PECR: variants seen among roughly 807,000 people sequenced by gnomAD.
The protein encoded by PECR is peroxisomal trans-2-enoyl-CoA reductase, also known as 2,4-dienoyl-CoA reductase-related protein.
PECR carries 30 observed loss-of-function variants against 35.3 expected under a neutral mutation model. The observed-to-expected ratio is 0.85, with a 90% CI of 0.64 to 1.15. The LOEUF is 1.15. PECR is among the 50% of genes most tolerant of loss of function. The pLI, the probability that PECR is intolerant of heterozygous loss-of-function variation, is 0.00. For synonymous variants in PECR, 148 were observed against 138.9 expected (o/e 1.07, Z -0.46); for missense variants, 392 against 370.8 (o/e 1.06, Z -0.47).
At chr2:216,067,584 G>A (rs1213168212) in intron 1 of PECR, among the ~76,000 whole-genome samples, 1 of 150,666 alleles carries the variant, frequency 6.6e-6, no homozygotes, top group Non-Finnish European at 1.5e-5. Context: ...TTGAGACGGA[G>A]TCTCACTCTG....
chr2:216,058,888 C>T lies in PECR; in HGVS notation c.506+7G>A, dbSNP rs200329052. 10 of 1,524,440 alleles carry T rather than the reference C, an allele frequency of 6.6e-6. No individual in the cohort carries two copies. In the South Asian group the frequency reaches 7.9e-5, roughly 12 times the overall value. The allele number at this position is 1,524,440 out of a possible 1,614,324, so 94.4% of individuals were successfully genotyped here. A position where few individuals can be genotyped will look rare whatever the true frequency, so the allele number is the denominator to read the frequency against. On this transcript the variant is annotated splice_region_variant and intron_variant, in intron 4 of 7. Transcript: ENST00000265322. Reference sequence around the variant, plus strand: ...ACTTAGAAAGAAAACTATATAAAAACGCTTACACAGCTAATGGAAATCCAG... The same window carrying T: ...ACTTAGAAAGAAAACTATATAAAAATGCTTACACAGCTAATGGAAATCCAG...
At chr2:216,049,517 T>C (rs1327939392) in intron 5 of PECR, 144 bp from the exon 6 acceptor site, 1 of 566,710 alleles carries the variant, frequency 1.8e-6, no homozygotes, top group African/African-American at 1.9e-5. Flanking sequence ...TTAAATTTCC[T>C]CCATGTTGTC....
chr2:216,046,276 GTA>G (rs35571817), intron 6 of PECR, among the ~76,000 whole-genome samples: 46,093 of 103,496 alleles, frequency 0.45, 11,072 homozygotes, highest in Non-Finnish European at 0.52. Flanking sequence ...ACCACATAAA[GTA>G]TATATATATA....
chr2:216,050,619 T>A (rs188531754), intron 5 of PECR, among the ~76,000 whole-genome samples: 2 of 152,018 alleles, frequency 1.3e-5, no homozygotes, highest in African/African-American at 4.8e-5. Context: ...GATCTATAGA[T>A]AGGCTGGGCG....
chr2:216,051,635 A>G (rs1478549409), intron 4 of PECR, 90 bp from the exon 5 acceptor site: 4 of 826,088 alleles, frequency 4.8e-6, no homozygotes, highest in African/African-American at 3.3e-5. Context: ...ACTACCTGAC[A>G]GAATTCCACA....
At chr2:216,073,620 TA>T (rs1434531749) in intron 1 of PECR, among the ~76,000 whole-genome samples, 3 of 151,898 alleles carry the variant, frequency 2.0e-5, no homozygotes, top group Admixed American at 6.6e-5. Flanking sequence ...CTTTTATTTT[TA>T]TTATATCTTT....
At chr2:216,040,820 G>A (rs565539105) in intron 7 of PECR, among the ~76,000 whole-genome samples, 22 of 151,972 alleles carry the variant, frequency 1.4e-4, no homozygotes, top group Non-Finnish European at 2.5e-4. Flanking sequence ...GCAGTGAGCC[G>A]AAATCATGTC....
intron 7 of PECR, 59 bp downstream of exon 7, chr2:216,043,845 T>C: frequency 1.1e-6 from 1 of 874,690 alleles, no homozygotes; most frequent in South Asian, 1.4e-5. Flanking sequence ...TAATAAATTT[T>C]AAACCCCTGA....
chr2:216,047,424 A>T (rs1695017358), intron 6 of PECR, among the ~76,000 whole-genome samples: 2 of 152,132 alleles, frequency 1.3e-5, no homozygotes, highest in African/African-American at 2.4e-5. Flanking sequence ...AATAAATCTG[A>T]AAGTTATTTT....
At chr2:216,063,099 C>CT (rs953872735) in intron 3 of PECR, among the ~76,000 whole-genome samples, 40 of 151,968 alleles carry the variant, frequency 2.6e-4, no homozygotes, top group African/African-American at 7.7e-4. Flanking sequence ...TAAATACATA[C>CT]TTTTTTTTAA....
chr2:216,066,628 G>A (rs1218104116), intron 1 of PECR, 110 bp from the exon 2 acceptor site: 4 of 921,274 alleles, frequency 4.3e-6, no homozygotes, highest in Non-Finnish European at 7.2e-6. Flanking sequence ...GCCTTCATGA[G>A]TTGTCCAAAT....
chr2:216,065,352 A>G lies in PECR; in HGVS notation c.384T>C (p.Leu128=), dbSNP rs146012443. ...HISSKGWHAV[L]ETNLTGTFYM... ...AGAAGGTACCCGTCAGGTTGGTCTC[A>G]AGCACAGCGTGCCATCCCTTAGAAC... Residue 128 remains leucine, a synonymous_variant, in exon 3 of 8, where the codon CTT becomes CTC. Transcript: ENST00000265322. 43 of 1,612,290 alleles carry G rather than the reference A, an allele frequency of 2.7e-5. No homozygotes were observed. Among genetic ancestry groups the G allele is most frequent in the Non-Finnish European group, 3.6e-5 (42 of 1,178,396 alleles).
downstream of PECR, among the ~76,000 whole-genome samples, chr2:216,036,314 G>A (rs534858334): frequency 6.8e-4 from 104 of 152,352 alleles, 1 homozygote; most frequent in Middle Eastern, 6.8e-3. Context: ...CTGGGATCCG[G>A]TAGATGAAAC....
intron 4 of PECR, among the ~76,000 whole-genome samples, chr2:216,055,864 ATTTGTAGTTCCCAAAAG>A (rs1695216338): frequency 6.6e-6 from 1 of 152,138 alleles, no homozygotes; most frequent in South Asian, 2.1e-4. Flanking sequence ...ACAAAGAATT[ATTTGTAGTTCCCAAAAG>A]TGCCACAGTG....
intron 1 of PECR, among the ~76,000 whole-genome samples, chr2:216,081,341 T>C (rs1418730121): frequency 6.6e-6 from 1 of 152,240 alleles, no homozygotes; most frequent in East Asian, 1.9e-4. Context: ...ATAAAACTAA[T>C]TGCACAGCAT....
intron 3 of PECR, among the ~76,000 whole-genome samples, chr2:216,060,090 T>C (rs1381796305): frequency 2.0e-5 from 3 of 152,230 alleles, no homozygotes; most frequent in African/African-American, 7.2e-5. Flanking sequence ...GTTTGTGGCA[T>C]ACAAGTCTTA....
intron 1 of PECR, among the ~76,000 whole-genome samples, chr2:216,077,000 C>CA (rs149379566): frequency 0.22 from 33,273 of 148,404 alleles, 6,142 homozygotes; most frequent in African/African-American, 0.47. Context: ...CTCCCGGGTT[C>CA]AGCGATTCTC....
intron 7 of PECR, among the ~76,000 whole-genome samples, chr2:216,033,219 AC>A (rs1694737234): frequency 6.6e-6 from 1 of 151,426 alleles, no homozygotes; most frequent in Non-Finnish European, 1.5e-5. Context: ...CATTTCACCA[AC>A]CCCCCTTCCT....
intron 6 of PECR, among the ~76,000 whole-genome samples, chr2:216,045,490 C>T (rs4674059): frequency 0.048 from 7,292 of 152,220 alleles, 214 homozygotes; most frequent in Middle Eastern, 0.11. Flanking sequence ...GTTGAAATGA[C>T]GATGTTTTGG....
Sources: allele counts gnomAD v4.1 joint callset (sites outside exome capture counted in the v4.1 genomes callset), GRCh38; gene constraint gnomAD v4.1.1; transcripts MANE v1.5; gene names NCBI Gene and HGNC (gene_info 2026-07-23, HGNC 2026-07-21).